Variants in NEK4 observed in about 807,000 individuals in gnomAD.
NEK4 encodes the protein NIMA related kinase 4, also known as serine/threonine-protein kinase Nek4.
Under a neutral mutation model 98.4 loss-of-function variants are expected in NEK4, and 86 were observed. The ratio of observed to expected loss-of-function variants is 0.87; its 90% CI spans 0.73 to 1.05. NEK4 has a LOEUF of 1.05. NEK4 is among the 50% of genes least tolerant of loss of function. The probability of loss-of-function intolerance (pLI) is 0.00; values close to 1 mark genes in which losing one functional copy is unlikely to be tolerated. For synonymous variants in NEK4, 328 were observed against 342.2 expected (o/e 0.96, Z 0.46); for missense variants, 898 against 950.3 (o/e 0.94, Z 0.72).
intron 4 of NEK4, 114 bp from the exon 5 acceptor site, chr3:52,763,738 C>T (rs1698444347): frequency 2.8e-6 from 2 of 716,720 alleles, no homozygotes; most frequent in Admixed American, 5.8e-5. Flanking sequence ...AAGCAGAAAA[C>T]AATCAGTATA....
chr3:52,715,152 C>A (rs2097353996), intron 15 of NEK4, among the ~76,000 whole-genome samples: 1 of 152,236 alleles, frequency 6.6e-6, no homozygotes, highest in Non-Finnish European at 1.5e-5. Flanking sequence ...AGAGTGGGAA[C>A]TTGTGGTGCC....
chr3:52,736,325 G>A (rs893214992), intron 15 of NEK4, among the ~76,000 whole-genome samples: 1 of 152,102 alleles, frequency 6.6e-6, no homozygotes, highest in African/African-American at 2.4e-5. Flanking sequence ...GGTGGCTCAC[G>A]CCTGTAATCC....
At chr3:52,746,947 T>TGGTA in intron 8 of NEK4, 43 bp from the exon 9 acceptor site, 1 of 1,434,708 alleles carries the variant, frequency 7.0e-7, no homozygotes, top group Non-Finnish European at 9.7e-7. Context: ...AGCAGCAACC[T>TGGTA]GGTACATTGT....
chr3:52,735,927 C>G (rs2097375187), intron 15 of NEK4, among the ~76,000 whole-genome samples: 1 of 152,228 alleles, frequency 6.6e-6, no homozygotes, highest in Non-Finnish European at 1.5e-5. Flanking sequence ...CTGGTGTCAT[C>G]TGACCAGCCA....
intron 7 of NEK4, among the ~76,000 whole-genome samples, chr3:52,750,365 T>C (rs2097403015): frequency 1.3e-5 from 2 of 152,064 alleles, no homozygotes; most frequent in Admixed American, 6.6e-5. Flanking sequence ...CTGGCCAACA[T>C]GGTGAAACCC....
intron 2 of NEK4, among the ~76,000 whole-genome samples, chr3:52,767,735 A>G (rs1025115419): frequency 1.2e-4 from 19 of 152,186 alleles, no homozygotes; most frequent in East Asian, 7.7e-4. Context: ...AAAAAAAAAA[A>G]AGAGAGAAAG....
intron 13 of NEK4, among the ~76,000 whole-genome samples, chr3:52,740,411 A>C (rs1161436832): frequency 1.3e-5 from 2 of 152,210 alleles, no homozygotes; most frequent in African/African-American, 4.8e-5. Context: ...TATTAAATAC[A>C]CGGGATAGGA....
At chr3:52,739,389 A>G (rs1394213626) in intron 14 of NEK4, 40 bp downstream of exon 14, 1 of 1,550,944 alleles carries the variant, frequency 6.4e-7, no homozygotes, top group Non-Finnish European at 8.9e-7. Flanking sequence ...ACAGAGTGAG[A>G]CTCCGTCTAA....
At chr3:52,737,349 A>G in intron 15 of NEK4, 1 of 418,350 alleles carries the variant, frequency 2.4e-6, no homozygotes. Flanking sequence ...TCATGACTTC[A>G]GATTTGGCAG....
rs1167284762 is a variant in NEK4 at position 52,741,419 on chromosome 3, G to A, written c.2085C>T (p.Tyr695=). 3.1e-6 allele frequency: 5 copies of A among 1,592,752 alleles called. No homozygotes were observed. The highest frequency in any genetic ancestry group is 1.1e-5 in the South Asian group (1 of 90,530). Residue 695 remains tyrosine, a synonymous_variant, in exon 13 of 16, where the codon TAC becomes TAT. Transcript: ENST00000233027. ...TSSTDKSDGD[Y]GEGKGQTNEI... ...GAAAAACAAGAACTTACCCTTCCCC[G>A]TAATCCCCATCTGACTTATCAGTTG...
chr3:52,739,557 C>T lies in NEK4; in HGVS notation c.2171G>A (p.Cys724Tyr). Residue 724 changes from cysteine (C) to tyrosine (Y), a missense_variant, in exon 14 of 16, where the codon TGT (cysteine) becomes TAT (tyrosine). Transcript: ENST00000233027. ...QTLKLDSKES[C>Y]EDVPVANPVS... ...TGGGTTTGCTACCGGGACATCTTCA[C>T]AGCTCTCTTTAGAATCCAGTTTCAG... 6.2e-7 allele frequency: 1 copy of T among 1,614,154 alleles called. No homozygotes were observed. Among genetic ancestry groups the T allele is most frequent in the Non-Finnish European group, 8.5e-7 (1 of 1,179,996 alleles).
intron 15 of NEK4, among the ~76,000 whole-genome samples, chr3:52,724,246 C>T (rs936800943): frequency 1.3e-5 from 2 of 151,900 alleles, no homozygotes; most frequent in African/African-American, 2.4e-5. Flanking sequence ...CACACACACA[C>T]ACACACACAC....
chr3:52,712,315 A>G (rs1454107762), intron 15 of NEK4, among the ~76,000 whole-genome samples: 2 of 152,150 alleles, frequency 1.3e-5, no homozygotes, highest in Admixed American at 6.6e-5. Context: ...AGGGCGTGCA[A>G]TGGGGGTGTG....
chr3:52,741,105 G>A (rs545292882), intron 13 of NEK4, among the ~76,000 whole-genome samples: 16 of 151,886 alleles, frequency 1.1e-4, no homozygotes, highest in South Asian at 6.2e-4. Flanking sequence ...GCATGGTGGC[G>A]GACGCCTGTG....
intron 13 of NEK4, among the ~76,000 whole-genome samples, chr3:52,739,863 G>C (rs1463038175): frequency 6.6e-6 from 1 of 152,144 alleles, no homozygotes; most frequent in Non-Finnish European, 1.5e-5. Flanking sequence ...GCAGATCTTG[G>C]AGAAGAGTCA....
At chr3:52,721,171 G>C (rs371649285) in intron 15 of NEK4, among the ~76,000 whole-genome samples, 1 of 152,212 alleles carries the variant, frequency 6.6e-6, no homozygotes, top group South Asian at 2.1e-4. Flanking sequence ...CATGCTGCTT[G>C]CAAGAACCAG....
intron 15 of NEK4, among the ~76,000 whole-genome samples, chr3:52,730,540 C>G (rs1227701377): frequency 6.6e-6 from 1 of 152,180 alleles, no homozygotes; most frequent in Non-Finnish European, 1.5e-5. Context: ...AAATCTTTAA[C>G]AAAATCCAGA....
chr3:52,729,789 T>G (rs999142633), intron 15 of NEK4, among the ~76,000 whole-genome samples: 2 of 145,676 alleles, frequency 1.4e-5, no homozygotes, highest in African/African-American at 5.0e-5. Flanking sequence ...GAAATTAAAA[T>G]GGATACATTA....
chr3:52,747,942 C>CA (rs34194697), intron 8 of NEK4, among the ~76,000 whole-genome samples: 50,412 of 147,760 alleles, frequency 0.34, 9,415 homozygotes, highest in Admixed American at 0.46. Flanking sequence ...AAGAGTGTCT[C>CA]AAAAAAAAAA....
Sources: gnomAD v4.1 joint callset for allele counts (sites outside exome capture counted in the v4.1 genomes callset) on GRCh38, gnomAD v4.1.1 for gene constraint, MANE v1.5 for transcripts, NCBI Gene and HGNC (gene_info 2026-07-23, HGNC 2026-07-21) for gene names.